Variants in AXIN2 observed in about 807,000 individuals in gnomAD.
AXIN2 encodes axin-2.
A neutral mutation model predicts 74.7 loss-of-function variants in AXIN2; 21 were observed. That is an observed-to-expected ratio of 0.28 (90% CI 0.20 to 0.40). AXIN2 has a LOEUF of 0.40. Ranked by LOEUF, AXIN2 falls within the 10% of genes least tolerant of loss-of-function variation. The pLI, the probability that AXIN2 is intolerant of heterozygous loss-of-function variation, is 1.00. For missense variants in AXIN2, 1,144 were observed against 1,111.1 expected, an observed-to-expected ratio of 1.03 and a Z score of -0.42; for synonymous variants, 532 against 454.9, an observed-to-expected ratio of 1.17 and a Z score of -2.16.
intron 7 of AXIN2, 109 bp from the exon 8 acceptor site, chr17:65,536,662 A>C: frequency 8.1e-7 from 1 of 1,239,212 alleles, no homozygotes; most frequent in Non-Finnish European, 1.1e-6. Flanking sequence ...AGAGAGAGTT[A>C]AAAAAAAAAC....
intron 2 of AXIN2, among the ~76,000 whole-genome samples, chr17:65,551,704 C>A (rs1249429337): frequency 6.6e-6 from 1 of 152,126 alleles, no homozygotes; most frequent in Middle Eastern, 3.2e-3. Flanking sequence ...CAAACACACA[C>A]AAAAAGTTAC....
chr17:65,543,712 G>A (rs2044075398), intron 3 of AXIN2, among the ~76,000 whole-genome samples: 1 of 152,186 alleles, frequency 6.6e-6, no homozygotes, highest in African/African-American at 2.4e-5. Flanking sequence ...GCCCCAATCA[G>A]CAGTCAAGCT....
Position 65,549,343 on chromosome 17 carries a change from G to A in AXIN2, c.956+177C>T, listed in dbSNP as rs2044158936. 2.0e-5 allele frequency among the ~76,000 whole-genome samples: 3 copies of A among 152,124 alleles called. 1 individual carries two copies. In the South Asian group the frequency reaches 6.2e-4, roughly 32 times the overall value. On this transcript the variant is annotated intron_variant, in intron 3 of 10. Transcript: ENST00000307078. ...AGCTTTACCCTACCCAGATGACCAT[G>A]TCATCCTCCTTAATCAGCACCATAC...
rs1288965283 is a variant in AXIN2, at chr17:65,545,064, G to A, written c.957-3507C>T. Among the ~76,000 whole-genome samples, 4 of 152,134 alleles carry A rather than the reference G, an allele frequency of 2.6e-5. No individual in the cohort carries two copies. In the East Asian group the frequency reaches 5.8e-4, roughly 22 times the overall value. On this transcript the variant is annotated intron_variant, in intron 3 of 10. Coordinates refer to ENST00000307078, the MANE Select transcript of AXIN2 (RefSeq NM_004655.4). ...ATAAAGAAATACAAATAAATAACTC[G>A]CGACATTCCCTGTGTGAAACACCAA...
At chr17:65,530,421 G>A (rs772753081) in intron 10 of AXIN2, among the ~76,000 whole-genome samples, 8 of 152,138 alleles carry the variant, frequency 5.3e-5, no homozygotes, top group Non-Finnish European at 8.8e-5. Flanking sequence ...CTTTCCCCCC[G>A]CCAACCTTTT....
intron 5 of AXIN2, 36 bp downstream of exon 5, chr17:65,538,167 T>C (rs145022269): frequency 5.0e-6 from 8 of 1,613,824 alleles, no homozygotes; most frequent in South Asian, 1.1e-5. Context: ...GCTCACGCCG[T>C]GGACGGAAGC....
In AXIN2 at chr17:65,561,531, C is replaced by T. The variant is rs189378488; in HGVS notation, c.-198G>A. On this transcript the variant is annotated 5_prime_UTR_variant, in exon 1 of 11. Transcript: ENST00000307078. ...TCGCTCTGAGGGGTTATTTTTATTT[C>T]CCGGCTCTCGGGCTGTTACTGAGTT... 2 of 150,808 alleles carry T rather than the reference C, an allele frequency of 1.3e-5. No individual in the cohort carries two copies. Among genetic ancestry groups the T allele is most frequent in the South Asian group, 4.1e-4 (2 of 4,926 alleles). 9.3% of individuals were successfully genotyped at this position (150,808 alleles called of 1,614,324 possible).
In AXIN2 at chr17:65,538,074, G is replaced by A. The variant is rs567677644; in HGVS notation, c.1200+129C>T. 3.2e-5 allele frequency: 48 copies of A among 1,518,482 alleles called. No individual in the cohort carries two copies. The East Asian group carries it at 1.1e-3, about 34-fold the overall frequency. The allele number at this position is 1,518,482 out of a possible 1,614,324, so 94.1% of individuals were successfully genotyped here. Reference sequence around the variant, plus strand: ...CCCACGCCCAGGCACACACCCACACGCAGCCCACGCGCATGCGCATGCAAC... The same window carrying A: ...CCCACGCCCAGGCACACACCCACACACAGCCCACGCGCATGCGCATGCAAC... On this transcript the variant is annotated intron_variant, in intron 5 of 10. Coordinates refer to ENST00000307078, the MANE Select transcript of AXIN2 (RefSeq NM_004655.4).
chr17:65,549,443 GAC>G, intron 3 of AXIN2, 75 bp downstream of exon 3: 2 of 1,586,804 alleles, frequency 1.3e-6, no homozygotes, highest in Non-Finnish European at 8.6e-7. Context: ...AGCTGAGGAT[GAC>G]AGACGATTCT....
intron 2 of AXIN2, among the ~76,000 whole-genome samples, chr17:65,550,240 G>A (rs949382172): frequency 6.1e-4 from 93 of 152,248 alleles, no homozygotes; most frequent in African/African-American, 2.1e-3. Flanking sequence ...TCAAGACAAC[G>A]TTCAGGACTC....
chr17:65,557,043 G>A (rs946778563), intron 2 of AXIN2, among the ~76,000 whole-genome samples: 14 of 152,150 alleles, frequency 9.2e-5, no homozygotes, highest in African/African-American at 3.1e-4. Flanking sequence ...TGTCTTTGAA[G>A]CCTCAAAGAG....
chr17:65,538,059 G>C (rs550683811), intron 5 of AXIN2, 144 bp downstream of exon 5: 1 of 1,468,262 alleles, frequency 6.8e-7, no homozygotes, highest in Non-Finnish European at 9.3e-7. Context: ...CCCACGCCCA[G>C]GCACACACCC....
chr17:65,558,933 C>T (rs944307346), intron 1 of AXIN2, among the ~76,000 whole-genome samples, 197 bp from the exon 2 acceptor site: 3 of 152,162 alleles, frequency 2.0e-5, no homozygotes, highest in African/African-American at 7.2e-5. Context: ...ATCTGAGCTC[C>T]CTGCACACTT....
intron 10 of AXIN2, among the ~76,000 whole-genome samples, chr17:65,533,187 G>A (rs1291780511): frequency 3.3e-5 from 5 of 152,346 alleles, no homozygotes; most frequent in East Asian, 3.9e-4. Context: ...CCACTCTGCA[G>A]ACAAGGTAAG....
At position 65,529,060 on chromosome 17, in the gene AXIN2, T is replaced by G; in HGVS notation, c.*916A>C. 4.2e-6 allele frequency: 1 copy of G among 235,946 alleles called. No homozygotes were observed. The highest frequency in any genetic ancestry group is 8.3e-6 in the Non-Finnish European group (1 of 120,170). 14.6% of individuals were successfully genotyped at this position (235,946 alleles called of 1,614,324 possible). On this transcript the variant is annotated 3_prime_UTR_variant, in exon 11 of 11. Transcript: ENST00000307078. ...GGGGGTAGTTCCTGAATGGCTGTGG[T>G]CCAATGACTAATGTAAAACAAAAAC...
intron 3 of AXIN2, 65 bp from the exon 4 acceptor site, chr17:65,541,622 T>TGA (rs1326015640): frequency 4.5e-6 from 6 of 1,320,812 alleles, no homozygotes; most frequent in Non-Finnish European, 5.5e-6. Context: ...TCACATGGGC[T>TGA]ACTGTCATAT....
chr17:65,537,649 G>T lies in AXIN2; in HGVS notation c.1387C>A (p.Arg463Ser). ...TGGTGGTGGTCCGGGGAGCGGGAGC[G>T]GGGGCTATAGCGGCCTACGCCTGGA... ...QSPGVGRYSP[R>S]SRSPDHHHHH... Residue 463 changes from arginine (R) to serine (S), a missense_variant, in exon 6 of 11, where the codon CGC (arginine) becomes AGC (serine). This residue lies in a region of AXIN2 where 1,053 missense variants were observed against 973.5 expected (regional missense o/e 1.08). Coordinates refer to ENST00000307078, the MANE Select transcript of AXIN2 (RefSeq NM_004655.4). 6.4e-7 allele frequency: 1 copy of T among 1,573,328 alleles called. No individual in the cohort carries two copies. The highest frequency in any genetic ancestry group is 1.7e-4 in the Middle Eastern group (1 of 5,908).
At chr17:65,546,846 C>T (rs2044126237) in intron 3 of AXIN2, among the ~76,000 whole-genome samples, 1 of 152,164 alleles carries the variant, frequency 6.6e-6, no homozygotes, top group Non-Finnish European at 1.5e-5. Flanking sequence ...GCAGCTTTGC[C>T]ACAGGATAGG....
rs781658851 is a variant in AXIN2, at chr17:65,537,402, C to G, written c.1634G>C (p.Gly545Ala). Residue 545 changes from glycine to alanine, a missense_variant, in exon 6 of 11, where the codon GGG (glycine) becomes GCG (alanine). This residue lies in a region of AXIN2 where 1,053 missense variants were observed against 973.5 expected (regional missense o/e 1.08). Transcript: ENST00000307078. ...CGAGTAGCAGTAATACTCGCTGCCC[C>G]CAGGGCAGAAGCAGTGCACCCGCTG... The part of the protein sequence containing the change: ...ATQRVHCFCP[G>A]GSEYYCYSKC... The G allele has an allele frequency of 9.3e-6, 15 of 1,614,042 alleles. No homozygotes were observed. In the South Asian group the frequency reaches 1.6e-4, roughly 18 times the overall value.
Sources: allele counts gnomAD v4.1 joint callset (sites outside exome capture counted in the v4.1 genomes callset), GRCh38; gene constraint gnomAD v4.1.1; regional missense constraint gnomAD v4.1.1; transcripts MANE v1.5; gene names NCBI Gene and HGNC (gene_info 2026-07-23, HGNC 2026-07-21).